GREB1: variants seen among roughly 807,000 people sequenced by gnomAD.
GREB1 encodes growth regulating estrogen receptor binding 1, also known as protein GREB1.
GREB1 carries 106 observed loss-of-function variants against 200.7 expected under a neutral mutation model. The ratio of observed to expected loss-of-function variants is 0.53; its 90% CI spans 0.45 to 0.62. The LOEUF (loss-of-function observed/expected upper bound fraction) is 0.62. GREB1 is among the 20% of genes least tolerant of loss of function. GREB1 has a pLI of 0.00. For synonymous variants in GREB1, 1,132 were observed against 1,092.4 expected, an observed-to-expected ratio of 1.04 and a Z score of -0.72; for missense variants, 2,243 against 2,556.8, an observed-to-expected ratio of 0.88 and a Z score of 2.65.
intron 1 of GREB1, among the ~76,000 whole-genome samples, chr2:11,536,679 G>A (rs1435384387): frequency 6.6e-6 from 1 of 152,200 alleles, no homozygotes; most frequent in African/African-American, 2.4e-5. Flanking sequence ...AAACTGAGAA[G>A]AGAGCCGCAC....
intron 1 of GREB1, among the ~76,000 whole-genome samples, chr2:11,524,434 A>G (rs1241813099): frequency 2.0e-5 from 3 of 152,196 alleles, no homozygotes; most frequent in Admixed American, 2.0e-4. Flanking sequence ...TGAGGGTGAA[A>G]TGAAGTGGCA....
At chr2:11,581,265 A>G in intron 7 of GREB1, 1 of 517,758 alleles carries the variant, frequency 1.9e-6, no homozygotes, top group South Asian at 2.9e-5. Flanking sequence ...CTTCATCTGG[A>G]GATGAGAATT....
chr2:11,626,730 A>G (rs1360523747), intron 24 of GREB1, among the ~76,000 whole-genome samples: 1 of 152,230 alleles, frequency 6.6e-6, no homozygotes, highest in South Asian at 2.1e-4. Context: ...ACAGTAAGAC[A>G]TGATATGGAC....
chr2:11,489,389 A>G (rs1425863428), intron 1 of GREB1, among the ~76,000 whole-genome samples: 1 of 152,098 alleles, frequency 6.6e-6, no homozygotes, highest in Non-Finnish European at 1.5e-5. Context: ...AACCCCGGGG[A>G]TGGAGGTTGC....
At chr2:11,596,264 A>G in intron 13 of GREB1, 25 bp downstream of exon 13, 1 of 1,590,128 alleles carries the variant, frequency 6.3e-7, no homozygotes. Flanking sequence ...GGAATCTCCC[A>G]GGGTGGAGAG....
chr2:11,555,034 A>G (rs79205511), intron 1 of GREB1, among the ~76,000 whole-genome samples: 6,257 of 152,326 alleles, frequency 0.041, 229 homozygotes, highest in East Asian at 0.17. Context: ...AGAACACTTC[A>G]TACTAAACCT....
At position 11,548,978 on chromosome 2, in the gene GREB1, A is replaced by G. The variant is rs1327365802; in HGVS notation, c.-161-7476A>G. ...CCACTATTGCTGTTGAGAAATCCAA[A>G]GTCATCCTGATTATTTTAAGCCCTT... On this transcript the variant is annotated intron_variant, in intron 1 of 32. Coordinates refer to ENST00000381486, the MANE Select transcript of GREB1 (RefSeq NM_014668.4). This position sits in a 1 kb window ranked among gnomAD's most constrained non-coding sequence, Gnocchi z 5.1. Among the ~76,000 whole-genome samples, 1 of 152,194 alleles carries G rather than the reference A, an allele frequency of 6.6e-6. No homozygotes were observed. The highest frequency in any genetic ancestry group is 2.4e-5 in the African/African-American group (1 of 41,440).
At chr2:11,489,330 G>A (rs949681602) in intron 1 of GREB1, among the ~76,000 whole-genome samples, 1 of 152,078 alleles carries the variant, frequency 6.6e-6, no homozygotes. Context: ...GTGGTGGCGC[G>A]TGCCTGTAAT....
chr2:11,610,991 C>T lies in GREB1; in HGVS notation c.2970C>T (p.Gly990=), dbSNP rs368131632. ...TCATCCTGGGCAGTCCCAGCTCAGG[C>T]GTCACCGTGGGGAAGCACTTCGTAA... ...FEIILGSPSS[G]VTVGKHFVKQ... The change falls in exon 18 of 33, where the codon GGC becomes GGT. Residue 990 remains glycine, a synonymous_variant. Coordinates refer to ENST00000381486, the MANE Select transcript of GREB1 (RefSeq NM_014668.4). 44 of 1,603,858 alleles carry T rather than the reference C, an allele frequency of 2.7e-5. No homozygotes were observed. The highest frequency in any genetic ancestry group is 1.0e-4 in the Admixed American group (6 of 58,516).
At chr2:11,625,117 C>T (rs757586196) in intron 23 of GREB1, 37 bp from the exon 24 acceptor site, 1 of 1,541,888 alleles carries the variant, frequency 6.5e-7, no homozygotes, top group South Asian at 1.1e-5. Context: ...TTTTCACTTC[C>T]TATTTTGTCA....
At chr2:11,490,908 T>C (rs1358362200) in intron 1 of GREB1, among the ~76,000 whole-genome samples, 1 of 152,226 alleles carries the variant, frequency 6.6e-6, no homozygotes, top group Non-Finnish European at 1.5e-5. Flanking sequence ...TGCTAGGTCC[T>C]ATGGGAACTC....
intron 22 of GREB1, among the ~76,000 whole-genome samples, chr2:11,619,863 A>T (rs1683854324): frequency 6.6e-6 from 1 of 151,954 alleles, no homozygotes; most frequent in Non-Finnish European, 1.5e-5. Flanking sequence ...TGGGTGTCAT[A>T]TTTTCCTCTG....
At chr2:11,605,988 A>G (rs1156916119) in intron 17 of GREB1, among the ~76,000 whole-genome samples, 1 of 152,038 alleles carries the variant, frequency 6.6e-6, no homozygotes, top group Non-Finnish European at 1.5e-5. Context: ...TGGCTGGGTT[A>G]TTTGATAGGT....
intron 17 of GREB1, among the ~76,000 whole-genome samples, chr2:11,603,765 C>T (rs1572888097): frequency 6.6e-6 from 1 of 152,262 alleles, no homozygotes; most frequent in African/African-American, 2.4e-5. Flanking sequence ...GGCCTTTGCC[C>T]TTCCTCTGCT....
At chr2:11,596,632 G>A (rs1308558627) in intron 13 of GREB1, among the ~76,000 whole-genome samples, 15 of 107,122 alleles carry the variant, frequency 1.4e-4, no homozygotes, top group African/African-American at 4.1e-4. Context: ...AAGAGGGGGC[G>A]GGGCTGCAGG....
At chr2:11,616,506 C>A in intron 20 of GREB1, 125 bp from the exon 21 acceptor site, 2 of 721,552 alleles carry the variant, frequency 2.8e-6, no homozygotes, top group Non-Finnish European at 5.1e-6. Flanking sequence ...TGGAAGATGG[C>A]AGTGAATGAG....
At chr2:11,528,089 A>G (rs1673948334) in intron 1 of GREB1, among the ~76,000 whole-genome samples, 1 of 152,234 alleles carries the variant, frequency 6.6e-6, no homozygotes. Context: ...TCCTGAGGAA[A>G]ACAGTACACC....
intron 7 of GREB1, among the ~76,000 whole-genome samples, chr2:11,584,029 T>C (rs1316534789): frequency 1.3e-5 from 2 of 152,128 alleles, no homozygotes; most frequent in Non-Finnish European, 2.9e-5. Flanking sequence ...TTGCTCTGAT[T>C]GGTATTTCTC....
At chr2:11,601,449 A>G (rs1018514082) in intron 16 of GREB1, among the ~76,000 whole-genome samples, 2 of 152,234 alleles carry the variant, frequency 1.3e-5, no homozygotes, top group African/African-American at 2.4e-5. Context: ...CTGAACACAT[A>G]TCCTCAAAAC....
Sources: gnomAD v4.1 joint callset for allele counts (sites outside exome capture counted in the v4.1 genomes callset) on GRCh38, gnomAD v4.1.1 for gene constraint, Gnocchi (gnomAD v3.1) non-coding constraint, MANE v1.5 for transcripts, NCBI Gene and HGNC (gene_info 2026-07-23, HGNC 2026-07-21) for gene names.